Variants in KLF7 observed in about 807,000 individuals in gnomAD.
The protein encoded by KLF7 is Krueppel-like factor 7.
A neutral mutation model predicts 27.3 loss-of-function variants in KLF7; 2 were observed. That is an observed-to-expected ratio of 0.07 (90% confidence interval 0.03 to 0.23). KLF7 has a LOEUF of 0.23. Among genes scored for constraint, KLF7 ranks in the 10% least tolerant of loss-of-function variants. The probability of loss-of-function intolerance (pLI) is 1.00; values close to 1 mark genes in which losing one functional copy is unlikely to be tolerated. For synonymous variants in KLF7, 165 were observed against 162.4 expected, an observed-to-expected ratio of 1.02 and a Z score of -0.12; for missense variants, 221 against 394.1, an observed-to-expected ratio of 0.56 and a Z score of 3.72.
At chr2:207,114,969 A>C (rs2077139730) in intron 2 of KLF7, among the ~76,000 whole-genome samples, 1 of 152,232 alleles carries the variant, frequency 6.6e-6, no homozygotes, top group Non-Finnish European at 1.5e-5. Context: ...ACTGAATTCC[A>C]TACATGTTAT....
chr2:207,167,410 C>T (rs1009663160), upstream of KLF7: 7 of 297,836 alleles, frequency 2.4e-5, no homozygotes, highest in Admixed American at 2.1e-4. Context: ...CTTCGTTCTA[C>T]CAGTAATGGA....
chr2:207,161,343 A>G (rs1438360513), intron 1 of KLF7, among the ~76,000 whole-genome samples: 1 of 152,178 alleles, frequency 6.6e-6, no homozygotes, highest in African/African-American at 2.4e-5. Flanking sequence ...GAACACACAA[A>G]TCACATACCA....
At chr2:207,100,551 T>C (rs765675471) in intron 2 of KLF7, among the ~76,000 whole-genome samples, 2 of 152,128 alleles carry the variant, frequency 1.3e-5, no homozygotes, top group Non-Finnish European at 2.9e-5. Flanking sequence ...CACCCATCAC[T>C]TCTTACATAA....
rs775609917 is a variant in KLF7 at position 207,149,168 on chromosome 2, G to T, written c.102+16299C>A. ...ATAGTCAATAATAAGAAACTGGTGTGTTTTCTTTTTGGAGATGATCTTCAA... is the reference window on the plus strand; with the variant it reads ...ATAGTCAATAATAAGAAACTGGTGTTTTTTCTTTTTGGAGATGATCTTCAA... On this transcript the variant is annotated intron_variant, in intron 1 of 3. Coordinates refer to ENST00000309446, the MANE Select transcript of KLF7 (RefSeq NM_003709.4). 3 of 1,288,028 alleles carry T rather than the reference G, an allele frequency of 2.3e-6. 1 individual carries two copies. In the South Asian group the frequency reaches 3.7e-5, roughly 16 times the overall value. The allele number at this position is 1,288,028 out of a possible 1,614,324, so 79.8% of individuals were successfully genotyped here.
intron 2 of KLF7, among the ~76,000 whole-genome samples, chr2:207,100,215 C>A (rs1159594143): frequency 6.6e-6 from 1 of 152,212 alleles, no homozygotes; most frequent in Non-Finnish European, 1.5e-5. Flanking sequence ...AGCTACCATT[C>A]ATGTTGAATA....
At chr2:207,173,368 C>G in the KLF7 span, among the ~76,000 whole-genome samples, 1 of 152,270 alleles carries the variant, frequency 6.6e-6, no homozygotes, top group East Asian at 1.9e-4. Context: ...AGTACTATTG[C>G]TATTGTCAAT....
intron 2 of KLF7, among the ~76,000 whole-genome samples, chr2:207,118,700 T>C (rs1482299630): frequency 6.6e-6 from 1 of 152,198 alleles, no homozygotes; most frequent in Admixed American, 6.5e-5. Context: ...ACCTATGTCA[T>C]TGGGTTAGTA....
chr2:207,166,294 C>G (rs1422397222), upstream of KLF7: 6 of 485,594 alleles, frequency 1.2e-5, no homozygotes, highest in African/African-American at 8.4e-5. Flanking sequence ...CGGATTGGCA[C>G]GCTGCGGATC....
intron 1 of KLF7, among the ~76,000 whole-genome samples, chr2:207,148,623 AT>A (rs1574566011): frequency 2.0e-5 from 3 of 152,182 alleles, no homozygotes; most frequent in African/African-American, 4.8e-5. Context: ...GGGACTTCAA[AT>A]AAAAATTCAG....
intron 1 of KLF7, chr2:207,133,967 T>C: frequency 3.5e-6 from 3 of 852,948 alleles, no homozygotes; most frequent in East Asian, 2.8e-5. Flanking sequence ...TTATTAATCC[T>C]GTTTTACAGC....
intron 1 of KLF7, among the ~76,000 whole-genome samples, chr2:207,129,009 T>C (rs1014509002): frequency 2.0e-5 from 3 of 152,224 alleles, no homozygotes; most frequent in African/African-American, 4.8e-5. Context: ...CTGGTTCTTA[T>C]AATTGAACTA....
chr2:207,169,426 C>T (rs369456591), upstream of KLF7, among the ~76,000 whole-genome samples: 1 of 152,110 alleles, frequency 6.6e-6, no homozygotes, highest in African/African-American at 2.4e-5. Context: ...GATTAGTACT[C>T]CTCAAAGTAA....
At chr2:207,126,511 A>T (rs371341074) in intron 1 of KLF7, among the ~76,000 whole-genome samples, 2 of 152,196 alleles carry the variant, frequency 1.3e-5, no homozygotes, top group South Asian at 4.1e-4. Context: ...CCACTAATAC[A>T]TATCTCTGGG....
rs2284934 is a variant in KLF7, at chr2:207,134,076, C to T, written c.103-9672G>A. The stretch of plus-strand genomic sequence containing the variant: ...GCCCCTTTACACTCACTGGCCAAGA[C>T]GGGAACATGCCGAACCAGTTACATC... On this transcript the variant is annotated intron_variant, in intron 1 of 3. Coordinates refer to ENST00000309446, the MANE Select transcript of KLF7 (RefSeq NM_003709.4). 1,021,399 of 1,531,892 alleles carry T rather than the reference C, an allele frequency of 0.67. 342,321 individuals are homozygous for T. Among genetic ancestry groups the T allele is most frequent in the Admixed American group, 0.75 (38,123 of 50,690 alleles). The allele number at this position is 1,531,892 out of a possible 1,614,324, so 94.9% of individuals were successfully genotyped here. A position where few individuals can be genotyped will look rare whatever the true frequency, so the allele number is the denominator to read the frequency against.
At chr2:207,159,249 G>A (rs1268315419) in intron 1 of KLF7, among the ~76,000 whole-genome samples, 1 of 152,180 alleles carries the variant, frequency 6.6e-6, no homozygotes, top group Non-Finnish European at 1.5e-5. Context: ...ATGGATATGT[G>A]TATTCACATT....
At chr2:207,166,723 C>A, upstream of KLF7, 2 of 882,002 alleles carry the variant, frequency 2.3e-6, no homozygotes, top group Non-Finnish European at 2.7e-6. Context: ...GGCAGGGACC[C>A]GCGCGAGGCG....
chr2:207,149,249 C>T (rs1431751590), intron 1 of KLF7: 13 of 865,248 alleles, frequency 1.5e-5, no homozygotes, highest in East Asian at 6.2e-5. Flanking sequence ...CCCCACTCAG[C>T]GCTGTCACTC....
At chr2:207,132,872 G>A (rs2077674944) in intron 1 of KLF7, among the ~76,000 whole-genome samples, 1 of 152,216 alleles carries the variant, frequency 6.6e-6, no homozygotes, top group South Asian at 2.1e-4. Flanking sequence ...AAAATTCAAT[G>A]CGACCATTAG....
At chr2:207,130,846 A>G (rs1310368827) in intron 1 of KLF7, among the ~76,000 whole-genome samples, 1 of 152,238 alleles carries the variant, frequency 6.6e-6, no homozygotes, top group Non-Finnish European at 1.5e-5. Flanking sequence ...CAAGTTAGTA[A>G]GTAAAAAAAC....
Sources: gnomAD v4.1 joint callset for allele counts (sites outside exome capture counted in the v4.1 genomes callset) on GRCh38, gnomAD v4.1.1 for gene constraint, MANE v1.5 for transcripts, NCBI Gene and HGNC (gene_info 2026-07-23, HGNC 2026-07-21) for gene names.